Variants in GNAO1 observed in about 807,000 individuals in gnomAD.
GNAO1 encodes the protein guanine nucleotide-binding protein G(o) subunit alpha.
For synonymous variants in GNAO1, 164 were observed against 180.7 expected, an observed-to-expected ratio of 0.91 and a Z score of 0.74; for missense variants, 166 against 478.7, an observed-to-expected ratio of 0.35 and a Z score of 6.10.
chr16:56,267,864 T>G (rs1478719044), intron 2 of GNAO1, among the ~76,000 whole-genome samples: 1 of 152,152 alleles, frequency 6.6e-6, no homozygotes, highest in Non-Finnish European at 1.5e-5. Context: ...AATCAATGAA[T>G]AGAGATGCTT....
At chr16:56,260,196 C>T (rs901614253) in intron 2 of GNAO1, among the ~76,000 whole-genome samples, 4 of 152,142 alleles carry the variant, frequency 2.6e-5, no homozygotes, top group African/African-American at 7.2e-5. Context: ...CAGAGGCTGC[C>T]GCTACTCTGT....
intron 3 of GNAO1, among the ~76,000 whole-genome samples, chr16:56,321,226 A>G (rs1354250407): frequency 2.6e-5 from 4 of 152,182 alleles, no homozygotes; most frequent in African/African-American, 9.7e-5. Context: ...TAAACCAACC[A>G]AACAAACAAA....
chr16:56,325,529 G>C (rs1386173107), intron 3 of GNAO1, among the ~76,000 whole-genome samples: 2 of 152,122 alleles, frequency 1.3e-5, no homozygotes, highest in African/African-American at 4.8e-5. Flanking sequence ...CCCAATTCTG[G>C]AGAGCCCGTG....
In GNAO1 at chr16:56,308,542, A is replaced by G. The variant is rs140414785; in HGVS notation, c.304-20089A>G. On this transcript the variant is annotated intron_variant, in intron 3 of 8. Transcript: ENST00000262493. ...CTGAAAGGCCAGTGACCCAGAGGTT[A>G]GGTAGGGGTAATCCAGTTGTTCCCT... Among the ~76,000 whole-genome samples the G allele has an allele frequency of 8.9e-3, 1,355 of 152,250 alleles. 22 individuals are homozygous for G. Among genetic ancestry groups the G allele is most frequent in the African/African-American group, 0.031 (1,307 of 41,542 alleles).
intron 2 of GNAO1, among the ~76,000 whole-genome samples, chr16:56,271,301 C>T (rs1311605563): frequency 1.3e-5 from 2 of 152,146 alleles, no homozygotes; most frequent in Admixed American, 6.5e-5. Context: ...AATTTATCTC[C>T]TAGAATTGTT....
chr16:56,219,760 G>A (rs1293569423), intron 2 of GNAO1, among the ~76,000 whole-genome samples: 4 of 151,956 alleles, frequency 2.6e-5, no homozygotes, highest in East Asian at 1.9e-4. Context: ...CCCCATTCTC[G>A]GGAAGAAGCC....
At chr16:56,344,495 C>T (rs2037842792) in intron 6 of GNAO1, 6 of 989,970 alleles carry the variant, frequency 6.1e-6, no homozygotes, top group Non-Finnish European at 7.2e-6. Flanking sequence ...CCTCCGTCTC[C>T]CTGCTCCCTC....
At chr16:56,280,125 C>T (rs889057273) in intron 3 of GNAO1, among the ~76,000 whole-genome samples, 1 of 152,194 alleles carries the variant, frequency 6.6e-6, no homozygotes, top group African/African-American at 2.4e-5. Flanking sequence ...GATTCAAAGG[C>T]ATGTGAGTTG....
chr16:56,194,271 G>A (rs546074778), intron 2 of GNAO1: 11 of 456,616 alleles, frequency 2.4e-5, no homozygotes, highest in African/African-American at 2.2e-4. Context: ...AAATTGATGG[G>A]GAGGCGGGGC....
intron 3 of GNAO1, among the ~76,000 whole-genome samples, chr16:56,278,860 C>T (rs1337955276): frequency 6.6e-6 from 1 of 152,156 alleles, no homozygotes; most frequent in African/African-American, 2.4e-5. Flanking sequence ...GCTGGAGCTA[C>T]CTGCAGCCAG....
intron 3 of GNAO1, among the ~76,000 whole-genome samples, chr16:56,317,169 A>G (rs2037519938): frequency 6.6e-6 from 1 of 152,228 alleles, no homozygotes; most frequent in African/African-American, 2.4e-5. Context: ...CAGGCAGGGA[A>G]GGTTCTCAGA....
At chr16:56,286,727 G>GTGTGTA (rs2037174591) in intron 3 of GNAO1, among the ~76,000 whole-genome samples, 2 of 145,152 alleles carry the variant, frequency 1.4e-5, no homozygotes, top group African/African-American at 2.5e-5. Context: ...GTGTGTGTGT[G>GTGTGTA]TGTGTATGTG....
chr16:56,283,880 C>G (rs1287021418), intron 3 of GNAO1, among the ~76,000 whole-genome samples: 2 of 152,112 alleles, frequency 1.3e-5, no homozygotes, highest in East Asian at 3.9e-4. Flanking sequence ...CATTCAAGCC[C>G]ATCTCATTCT....
At chr16:56,252,436 A>C (rs899870285) in intron 2 of GNAO1, among the ~76,000 whole-genome samples, 7 of 152,182 alleles carry the variant, frequency 4.6e-5, no homozygotes, top group African/African-American at 1.7e-4. Flanking sequence ...TGAGGTGGGC[A>C]CTCTAGTGCC....
chr16:56,336,537 G>T (rs547451211), intron 5 of GNAO1, 194 bp from the exon 6 acceptor site: 17 of 560,390 alleles, frequency 3.0e-5, no homozygotes, highest in African/African-American at 2.6e-4. Context: ...AGACTCCAGG[G>T]GTAGTGCCTG....
intron 2 of GNAO1, among the ~76,000 whole-genome samples, chr16:56,210,952 G>A (rs375476761): frequency 6.6e-6 from 1 of 152,158 alleles, no homozygotes; most frequent in Non-Finnish European, 1.5e-5. Flanking sequence ...TGACTTTTGT[G>A]TATTGATTTT....
At chr16:56,353,061 GA>G (rs1433996643) in intron 7 of GNAO1, 1 of 152,542 alleles carries the variant, frequency 6.6e-6, no homozygotes, top group Non-Finnish European at 1.5e-5. Flanking sequence ...GAAACTAGGG[GA>G]GGGGGAACTG....
At chr16:56,307,681 A>G (rs2037411501) in intron 3 of GNAO1, 1 of 152,174 alleles carries the variant, frequency 6.6e-6, no homozygotes, top group Non-Finnish European at 1.5e-5. Context: ...CACTTCCCAC[A>G]AGTGTTGTGA....
intron 2 of GNAO1, among the ~76,000 whole-genome samples, chr16:56,236,336 G>T (rs550437784): frequency 3.3e-5 from 5 of 152,138 alleles, no homozygotes; most frequent in African/African-American, 1.2e-4. Context: ...ACACAGGCAC[G>T]CACACACATA....
Sources: gnomAD v4.1 joint callset for allele counts (sites outside exome capture counted in the v4.1 genomes callset) on GRCh38, gnomAD v4.1.1 for gene constraint, MANE v1.5 for transcripts, NCBI Gene and HGNC (gene_info 2026-07-23, HGNC 2026-07-21) for gene names.